Variants in BRMS1L observed in about 807,000 individuals in gnomAD.
The protein encoded by BRMS1L is BRMS1 like transcriptional repressor.
Under a neutral mutation model 50.3 loss-of-function variants are expected in BRMS1L, and 23 were observed. The ratio of observed to expected loss-of-function variants is 0.46; its 90% CI spans 0.33 to 0.65. The LOEUF is 0.65. Among genes scored for constraint, BRMS1L ranks in the 30% least tolerant of loss-of-function variants. The probability of loss-of-function intolerance (pLI) is 0.02; values close to 1 mark genes in which losing one functional copy is unlikely to be tolerated. For synonymous variants in BRMS1L, 114 were observed against 126.9 expected (o/e 0.90, Z 0.69); for missense variants, 286 against 386.1 (o/e 0.74, Z 2.17).
rs144744510 is a variant in BRMS1L, at chr14:35,863,930, A to G, written c.599A>G (p.Lys200Arg). The change falls in exon 6 of 10, where the codon AAA becomes AGA. Residue 200 changes from lysine to arginine, a missense_variant. Coordinates refer to ENST00000216807, the MANE Select transcript of BRMS1L (RefSeq NM_032352.4). Reference sequence around the variant, plus strand: ...AGGAAGGATCCTTTCAGTCCTGACAAAAAGAAGCCAGTTGTTGTTTCAGAT... The same window carrying G: ...AGGAAGGATCCTTTCAGTCCTGACAGAAAGAAGCCAGTTGTTGTTTCAGAT... ...KKRKDPFSPD[K>R]KKPVVVSGPY... 3.7e-5 allele frequency: 59 copies of G among 1,613,830 alleles called. No individual in the cohort carries two copies. The highest frequency in any genetic ancestry group is 4.9e-5 in the Non-Finnish European group (58 of 1,179,978).
At chr14:35,858,014 A>T (rs977447219) in intron 4 of BRMS1L, among the ~76,000 whole-genome samples, 4 of 130,650 alleles carry the variant, frequency 3.1e-5, no homozygotes, top group South Asian at 4.7e-4. Context: ...CAAGAAAAGT[A>T]AAAAAAAAAA....
intron 4 of BRMS1L, among the ~76,000 whole-genome samples, chr14:35,836,309 A>G (rs978588087): frequency 1.3e-5 from 2 of 151,920 alleles, no homozygotes; most frequent in Non-Finnish European, 2.9e-5. Flanking sequence ...AATGTAGTTG[A>G]ATTTATTATC....
rs1039569353 is a variant in BRMS1L at position 35,870,817 on chromosome 14, A to G, written c.*340A>G. On this transcript the variant is annotated 3_prime_UTR_variant, in exon 10 of 10. Coordinates refer to ENST00000216807, the MANE Select transcript of BRMS1L (RefSeq NM_032352.4). ...TAAACTATGACTACATTTATCTGCA[A>G]TTTTTAAAATTTTCCATATCTTTGT... 2 of 157,448 alleles carry G rather than the reference A, an allele frequency of 1.3e-5. No individual in the cohort carries two copies. The highest frequency in any genetic ancestry group is 1.9e-4 in the South Asian group (1 of 5,334). The allele number at this position is 157,448 out of a possible 1,614,324, so 9.8% of individuals were successfully genotyped here.
At chr14:35,866,280 C>T (rs1481495579) in intron 8 of BRMS1L, among the ~76,000 whole-genome samples, 2 of 152,036 alleles carry the variant, frequency 1.3e-5, no homozygotes, top group African/African-American at 4.8e-5. Context: ...CCTTCTTTCA[C>T]TATAGGTGAG....
intron 4 of BRMS1L, among the ~76,000 whole-genome samples, chr14:35,843,375 CT>C: frequency 6.6e-6 from 1 of 152,180 alleles, no homozygotes; most frequent in East Asian, 1.9e-4. Flanking sequence ...TGTGGAGGTC[CT>C]TTTTGTTGAT....
chr14:35,851,555 G>A (rs2078211834), intron 4 of BRMS1L, among the ~76,000 whole-genome samples: 2 of 152,192 alleles, frequency 1.3e-5, no homozygotes, highest in Admixed American at 1.3e-4. Context: ...GAAGACAGGA[G>A]GAGGATTAAG....
intron 4 of BRMS1L, among the ~76,000 whole-genome samples, chr14:35,854,131 G>C (rs1185005185): frequency 1.3e-5 from 2 of 152,018 alleles, no homozygotes; most frequent in African/African-American, 4.8e-5. Context: ...TTCTTTTTAG[G>C]TTTATCCATA....
At chr14:35,829,108 A>T (rs2077885688) in intron 1 of BRMS1L, among the ~76,000 whole-genome samples, 1 of 151,610 alleles carries the variant, frequency 6.6e-6, no homozygotes, top group Admixed American at 6.6e-5. Context: ...CACCCGGCTA[A>T]TTTTTGTGTT....
chr14:35,852,267 C>G (rs1376144040), intron 4 of BRMS1L, among the ~76,000 whole-genome samples: 1 of 152,172 alleles, frequency 6.6e-6, no homozygotes, highest in Non-Finnish European at 1.5e-5. Context: ...AATGTAGTAT[C>G]ATGGTCATAC....
intron 4 of BRMS1L, among the ~76,000 whole-genome samples, chr14:35,836,209 G>T (rs898921891): frequency 1.3e-5 from 2 of 152,110 alleles, no homozygotes; most frequent in African/African-American, 4.8e-5. Context: ...TAAATGCTTT[G>T]CTGGTTGTAT....
At chr14:35,865,059 A>G (rs1310922984) in intron 7 of BRMS1L, 60 bp downstream of exon 7, 3 of 1,283,588 alleles carry the variant, frequency 2.3e-6, no homozygotes, top group South Asian at 1.5e-5. Flanking sequence ...TTAAGATTCT[A>G]TGTTTTTTTT....
intron 4 of BRMS1L, among the ~76,000 whole-genome samples, chr14:35,844,831 G>A (rs1340225799): frequency 2.0e-5 from 3 of 152,072 alleles, no homozygotes; most frequent in African/African-American, 7.2e-5. Flanking sequence ...TTTGTATATT[G>A]ATATCATATC....
chr14:35,828,412 T>C (rs2077873534), intron 1 of BRMS1L, among the ~76,000 whole-genome samples: 1 of 150,152 alleles, frequency 6.7e-6, no homozygotes, highest in African/African-American at 2.5e-5. Flanking sequence ...GACCTCGTGA[T>C]CCACCCACTT....
intron 4 of BRMS1L, 64 bp from the exon 5 acceptor site, chr14:35,862,526 A>G: frequency 1.0e-6 from 1 of 975,850 alleles, no homozygotes; most frequent in Non-Finnish European, 1.5e-6. Flanking sequence ...GTTATTTGGT[A>G]CTCTTAGTTA....
chr14:35,843,008 C>T (rs891689689), intron 4 of BRMS1L, among the ~76,000 whole-genome samples: 3 of 152,178 alleles, frequency 2.0e-5, no homozygotes, highest in African/African-American at 7.2e-5. Context: ...AGTTCTCATG[C>T]TGTGTTTTTC....
chr14:35,856,612 G>GGGC (rs538136610), intron 4 of BRMS1L, among the ~76,000 whole-genome samples: 208 of 125,596 alleles, frequency 1.7e-3, no homozygotes, highest in African/African-American at 8.2e-3. Context: ...ACATTTTTTT[G>GGGC]GGGGGGGGTT....
At chr14:35,861,746 G>A (rs1371660984) in intron 4 of BRMS1L, among the ~76,000 whole-genome samples, 3 of 152,186 alleles carry the variant, frequency 2.0e-5, no homozygotes, top group Non-Finnish European at 4.4e-5. Flanking sequence ...CAGCCTACAT[G>A]GGTGTGGCCT....
chr14:35,850,282 AC>A (rs988588366), intron 4 of BRMS1L, among the ~76,000 whole-genome samples: 1 of 140,530 alleles, frequency 7.1e-6, no homozygotes, highest in Non-Finnish European at 1.5e-5. Context: ...ATCTCGGCTC[AC>A]CCCAACCTCT....
chr14:35,867,240 GATTATA>G (rs1172627802), intron 8 of BRMS1L, among the ~76,000 whole-genome samples: 1 of 152,158 alleles, frequency 6.6e-6, no homozygotes, highest in Non-Finnish European at 1.5e-5. Context: ...GATAGTTACA[GATTATA>G]ATAATTACTC....
Sources: gnomAD v4.1 joint callset for allele counts (sites outside exome capture counted in the v4.1 genomes callset) on GRCh38, gnomAD v4.1.1 for gene constraint, MANE v1.5 for transcripts, NCBI Gene and HGNC (gene_info 2026-07-23, HGNC 2026-07-21) for gene names.